B3GLCT: variants seen among roughly 807,000 people sequenced by gnomAD.
The protein encoded by B3GLCT is beta-1,3-glucosyltransferase.
A neutral mutation model predicts 63.4 loss-of-function variants in B3GLCT; 65 were observed. The ratio of observed to expected loss-of-function variants is 1.03; its 90% CI spans 0.84 to 1.26. The LOEUF (loss-of-function observed/expected upper bound fraction) is 1.26, where lower values mean the gene tolerates loss of function less well. B3GLCT is among the 50% of genes most tolerant of loss of function. The pLI is 0.00. For synonymous variants in B3GLCT, 233 were observed against 219.2 expected (o/e 1.06, Z -0.55); for missense variants, 577 against 604.8 (o/e 0.95, Z 0.48).
intron 6 of B3GLCT, among the ~76,000 whole-genome samples, chr13:31,250,201 T>G (rs1871364384): frequency 6.6e-6 from 1 of 152,148 alleles, no homozygotes; most frequent in African/African-American, 2.4e-5. Context: ...TGAGACAGAG[T>G]CTCGTTCTGT....
intron 12 of B3GLCT, among the ~76,000 whole-genome samples, chr13:31,300,290 G>A (rs1250931994): frequency 6.6e-6 from 1 of 152,138 alleles, no homozygotes; most frequent in Non-Finnish European, 1.5e-5. Context: ...ATAATGGAAT[G>A]GGCATTGCCT....
At chr13:31,329,468 A>G (rs1053924574) in intron 14 of B3GLCT, 33 bp from the exon 15 acceptor site, 5 of 1,613,496 alleles carry the variant, frequency 3.1e-6, no homozygotes, top group Non-Finnish European at 4.2e-6. Context: ...TATTCAATCA[A>G]CAAGGAAGCC....
In B3GLCT at chr13:31,331,724, T is replaced by G. The variant is rs1875936860; in HGVS notation, c.*2056T>G. ...GTTTATATAAAGTTTATAAAGCCAT[T>G]GTGTTTTGTTATATAACAAATCAGA... On this transcript the variant is annotated 3_prime_UTR_variant, in exon 15 of 15. Coordinates refer to ENST00000343307, the MANE Select transcript of B3GLCT (RefSeq NM_194318.4). 1 of 152,234 alleles carries G rather than the reference T, an allele frequency of 6.6e-6. No individual in the cohort carries two copies. The highest frequency in any genetic ancestry group is 1.5e-5 in the Non-Finnish European group (1 of 68,028). The allele number at this position is 152,234 out of a possible 1,614,324, so 9.4% of individuals were successfully genotyped here.
At chr13:31,200,308 G>A (rs1401544157) in intron 1 of B3GLCT, among the ~76,000 whole-genome samples, 154 bp downstream of exon 1, 2 of 148,000 alleles carry the variant, frequency 1.4e-5, no homozygotes, top group Non-Finnish European at 3.0e-5. Context: ...GCCGCGCCGC[G>A]CCGTCAGCAG....
intron 12 of B3GLCT, 119 bp from the exon 13 acceptor site, chr13:31,317,437 AAATTTCTTCT>A: frequency 8.8e-7 from 1 of 1,130,276 alleles, no homozygotes. Context: ...TAAGTCACTC[AAATTTCTTCT>A]CTTAACTATT....
At position 31,328,752 on chromosome 13, in the gene B3GLCT, G is replaced by C. The variant is rs931894489; in HGVS notation, c.1330-749G>C. Among the ~76,000 whole-genome samples, 15 of 137,006 alleles carry C rather than the reference G, an allele frequency of 1.1e-4. No homozygotes were observed. The East Asian group carries it at 2.3e-3, about 21-fold the overall frequency. 89.9% of individuals were successfully genotyped at this position (137,006 alleles called of 152,430 possible). On this transcript the variant is annotated intron_variant, in intron 14 of 14. Transcript: ENST00000343307. The stretch of plus-strand genomic sequence containing the variant: ...AGAGAAACTGGATACTTTGCTTAGA[G>C]AAAACAAAATAGTATCTGATTTCAG...
chr13:31,313,798 C>T (rs941147469), intron 12 of B3GLCT, among the ~76,000 whole-genome samples: 1 of 152,198 alleles, frequency 6.6e-6, no homozygotes, highest in East Asian at 1.9e-4. Context: ...CAGAGACCTT[C>T]GCAGCAGCTC....
intron 12 of B3GLCT, among the ~76,000 whole-genome samples, chr13:31,289,495 A>G (rs1283854449): frequency 2.6e-5 from 4 of 152,218 alleles, no homozygotes; most frequent in Non-Finnish European, 4.4e-5. Context: ...AGTGAAAGAA[A>G]GAATCTTTAA....
chr13:31,311,890 C>T (rs1413272173), intron 12 of B3GLCT, among the ~76,000 whole-genome samples: 1 of 152,170 alleles, frequency 6.6e-6, no homozygotes, highest in Non-Finnish European at 1.5e-5. Flanking sequence ...TAATAGTATA[C>T]TTAATATATA....
At chr13:31,212,254 C>G (rs1191219786) in intron 1 of B3GLCT, among the ~76,000 whole-genome samples, 4 of 145,204 alleles carry the variant, frequency 2.8e-5, no homozygotes, top group Non-Finnish European at 6.0e-5. Flanking sequence ...CAGGCATGCT[C>G]TAGCATAACT....
intron 1 of B3GLCT, among the ~76,000 whole-genome samples, chr13:31,204,679 G>A (rs1392686841): frequency 6.6e-6 from 1 of 152,124 alleles, no homozygotes; most frequent in Non-Finnish European, 1.5e-5. Flanking sequence ...TATGGCTGCC[G>A]TTTCCTGAAA....
At chr13:31,202,853 G>A (rs1868753268) in intron 1 of B3GLCT, among the ~76,000 whole-genome samples, 1 of 152,160 alleles carries the variant, frequency 6.6e-6, no homozygotes, top group Non-Finnish European at 1.5e-5. Context: ...TAGTAAGGAT[G>A]GTAGAAGAGA....
chr13:31,312,844 T>G (rs1475527058), intron 12 of B3GLCT: 1 of 152,104 alleles, frequency 6.6e-6, no homozygotes, highest in Non-Finnish European at 1.5e-5. Flanking sequence ...ATAGCAGAGG[T>G]TAATAGCAAA....
chr13:31,226,879 G>T (rs1482994628), intron 3 of B3GLCT, among the ~76,000 whole-genome samples: 2 of 152,252 alleles, frequency 1.3e-5, no homozygotes, highest in African/African-American at 4.8e-5. Context: ...ATATCACCTA[G>T]ATTAAGAAAT....
In B3GLCT at chr13:31,200,123, G is replaced by A; in HGVS notation, c.39G>A (p.Pro13=). The change falls in exon 1 of 15, where the codon CCG becomes CCA. Residue 13 remains proline, a synonymous_variant. Coordinates refer to ENST00000343307, the MANE Select transcript of B3GLCT (RefSeq NM_194318.4). The stretch of plus-strand genomic sequence containing the variant: ...CCTGCTGGTGGCTGCTCGCGCCGCC[G>A]GCGCTGCTCGCGCTCCTCACCTGCT... ...PPACWWLLAP[P]ALLALLTCSL... is the part of the protein sequence containing the mutation. The A allele has an allele frequency of 1.5e-6, 2 of 1,375,024 alleles. No individual in the cohort carries two copies. The highest frequency in any genetic ancestry group is 2.6e-5 in the Admixed American group (1 of 38,546). 85.2% of individuals were successfully genotyped at this position (1,375,024 alleles called of 1,614,324 possible). A position where few individuals can be genotyped will look rare whatever the true frequency, so the allele number is the denominator to read the frequency against.
rs1037738710 is a variant in B3GLCT at position 31,330,487 on chromosome 13, C to T, written c.*819C>T. On this transcript the variant is annotated 3_prime_UTR_variant, in exon 15 of 15. Transcript: ENST00000343307. ...GACATGTTTTGTTCAAGTCAGCAAG[C>T]TCTATGTGAGTCTCAGGAAGTGAAT... is the stretch of plus-strand genomic sequence containing the variant. 15 of 150,866 alleles carry T rather than the reference C, an allele frequency of 9.9e-5. No homozygotes were observed. Among genetic ancestry groups the T allele is most frequent in the African/African-American group, 3.7e-4 (15 of 41,066 alleles). 9.3% of individuals were successfully genotyped at this position (150,866 alleles called of 1,614,324 possible). A position where few individuals can be genotyped will look rare whatever the true frequency, so the allele number is the denominator to read the frequency against.
rs1169835730 is a variant in B3GLCT at position 31,308,347 on chromosome 13, T to TAAAAAA, written c.1065-9211_1065-9206dup. 8.5e-3 allele frequency among the ~76,000 whole-genome samples: 201 copies of TAAAAAA among 23,636 alleles called. 2 individuals carry two copies. The highest frequency in any genetic ancestry group is 0.038 in the Middle Eastern group (1 of 26). 15.5% of individuals were successfully genotyped at this position (23,636 alleles called of 152,430 possible). Reference sequence around the variant, plus strand: ...TAGAGTATAATAAAAAAAAAAAAATTAAAAAAAAAAAAACAAAAAAAAAAG... The same window carrying TAAAAAA: ...TAGAGTATAATAAAAAAAAAAAAATTAAAAAAAAAAAAAAAAAAACAAAAAAAAAAG... On this transcript the variant is annotated intron_variant, in intron 12 of 14. Transcript: ENST00000343307.
At chr13:31,294,894 T>A (rs1873854855) in intron 12 of B3GLCT, among the ~76,000 whole-genome samples, 1 of 151,462 alleles carries the variant, frequency 6.6e-6, no homozygotes, top group Non-Finnish European at 1.5e-5. Flanking sequence ...GCATTCTGGT[T>A]TTTTTTTTGG....
In B3GLCT at chr13:31,287,044, G is replaced by A. The variant is rs140383937; in HGVS notation, c.1064+225G>A. On this transcript the variant is annotated intron_variant, in intron 12 of 14. Coordinates refer to ENST00000343307, the MANE Select transcript of B3GLCT (RefSeq NM_194318.4). ...TCCAAAAGAAACATGAAGCAAATGA[G>A]GTGAGTTCTATGACTGCCAGAGCTG... Among the ~76,000 whole-genome samples the A allele has an allele frequency of 9.2e-5, 14 of 152,278 alleles. No individual in the cohort carries two copies. In the East Asian group the frequency reaches 2.5e-3, roughly 27 times the overall value.
Sources: allele counts gnomAD v4.1 joint callset (sites outside exome capture counted in the v4.1 genomes callset), GRCh38; gene constraint gnomAD v4.1.1; transcripts MANE v1.5; gene names NCBI Gene and HGNC (gene_info 2026-07-23, HGNC 2026-07-21).